HNMT: variants seen among roughly 807,000 people sequenced by gnomAD.
HNMT encodes histamine N-methyltransferase.
HNMT carries 30 observed loss-of-function variants against 32.1 expected under a neutral mutation model. The ratio of observed to expected loss-of-function variants is 0.93; its 90% CI spans 0.70 to 1.27. The LOEUF is 1.27. HNMT is among the 50% of genes most tolerant of loss of function. The pLI is 0.00. For synonymous variants in HNMT, 125 were observed against 119.0 expected (o/e 1.05, Z -0.33); for missense variants, 327 against 346.0 (o/e 0.95, Z 0.43).
intron 5 of HNMT, among the ~76,000 whole-genome samples, chr2:138,007,998 CTTTTA>C (rs1046562187): frequency 2.0e-5 from 3 of 151,896 alleles, no homozygotes; most frequent in Admixed American, 6.6e-5. Flanking sequence ...TCTTTTTTAA[CTTTTA>C]TTTTAAGTTC....
intron 2 of HNMT, among the ~76,000 whole-genome samples, chr2:137,979,376 T>C (rs894939164): frequency 2.0e-4 from 30 of 151,728 alleles, no homozygotes; most frequent in African/African-American, 6.8e-4. Flanking sequence ...GTTCACGCCA[T>C]TCTCCTGCCT....
intron 2 of HNMT, among the ~76,000 whole-genome samples, chr2:137,974,575 TCTC>T (rs1377004514): frequency 6.6e-6 from 1 of 152,156 alleles, no homozygotes; most frequent in Non-Finnish European, 1.5e-5. Context: ...GCCAATGTGT[TCTC>T]CTTGCTCTGG....
intron 4 of HNMT, 45 bp downstream of exon 4, chr2:138,002,239 C>G: frequency 7.8e-7 from 1 of 1,287,992 alleles, no homozygotes; most frequent in Admixed American, 2.6e-5. Flanking sequence ...GAAGACTTTT[C>G]AGAATATATA....
chr2:137,971,338 C>T (rs1469190655), intron 2 of HNMT, among the ~76,000 whole-genome samples: 3 of 152,104 alleles, frequency 2.0e-5, no homozygotes, highest in African/African-American at 7.2e-5. Flanking sequence ...AACCACCGCA[C>T]CTGGCTAATT....
chr2:137,997,367 T>C (rs1681028501), intron 2 of HNMT, among the ~76,000 whole-genome samples: 1 of 151,790 alleles, frequency 6.6e-6, no homozygotes, highest in South Asian at 2.1e-4. Context: ...ACAAAAGATA[T>C]GAACAGACAC....
At chr2:137,992,953 C>G (rs1680868842) in intron 2 of HNMT, among the ~76,000 whole-genome samples, 1 of 151,916 alleles carries the variant, frequency 6.6e-6, no homozygotes, top group South Asian at 2.1e-4. Context: ...AGAAGAGGGA[C>G]CTAACCATTG....
At chr2:137,983,371 T>C (rs1217624865) in intron 2 of HNMT, among the ~76,000 whole-genome samples, 1 of 152,214 alleles carries the variant, frequency 6.6e-6, no homozygotes, top group Non-Finnish European at 1.5e-5. Context: ...ACTTAATGTG[T>C]TTTATGTTTC....
At chr2:138,012,694 TC>T (rs1490930475) in intron 5 of HNMT, among the ~76,000 whole-genome samples, 2 of 152,156 alleles carry the variant, frequency 1.3e-5, no homozygotes, top group Non-Finnish European at 2.9e-5. Context: ...ACAAAACTGC[TC>T]GTCTTCATTC....
At chr2:137,969,698 T>G (rs2104923948) in intron 1 of HNMT, among the ~76,000 whole-genome samples, 1 of 152,306 alleles carries the variant, frequency 6.6e-6, no homozygotes, top group East Asian at 1.9e-4. Context: ...TATCTGTTTT[T>G]TTAATGCCTA....
At chr2:137,996,411 C>T (rs1680996038) in intron 2 of HNMT, among the ~76,000 whole-genome samples, 1 of 152,128 alleles carries the variant, frequency 6.6e-6, no homozygotes, top group Non-Finnish European at 1.5e-5. Context: ...TGAATAAACT[C>T]CAAATCACAG....
intron 2 of HNMT, among the ~76,000 whole-genome samples, chr2:137,992,690 C>T (rs1477279220): frequency 6.6e-6 from 1 of 152,170 alleles, no homozygotes; most frequent in Non-Finnish European, 1.5e-5. Flanking sequence ...AAGTGAGGCA[C>T]TGTGTTAAAC....
chr2:137,968,935 T>A (rs1394314432), intron 1 of HNMT, among the ~76,000 whole-genome samples: 1 of 152,158 alleles, frequency 6.6e-6, no homozygotes, highest in Admixed American at 6.5e-5. Context: ...AGCAGTCATC[T>A]CTTTTCCTTC....
chr2:137,996,333 C>T (rs1301166337), intron 2 of HNMT, among the ~76,000 whole-genome samples: 1 of 152,152 alleles, frequency 6.6e-6, no homozygotes, highest in Non-Finnish European at 1.5e-5. Context: ...TCTTAGGATA[C>T]AAAATCAATG....
intron 2 of HNMT, among the ~76,000 whole-genome samples, chr2:137,970,649 G>A (rs999778496): frequency 1.2e-3 from 190 of 152,148 alleles, no homozygotes; most frequent in Non-Finnish European, 3.1e-4. Flanking sequence ...GGCTGGGCGC[G>A]GTGGCTCACG....
chr2:137,976,158 C>T (rs543703948), intron 2 of HNMT, among the ~76,000 whole-genome samples: 37 of 151,182 alleles, frequency 2.4e-4, no homozygotes, highest in African/African-American at 7.8e-4. Flanking sequence ...CCCAGCTACT[C>T]GGGAGGCTGA....
chr2:138,012,123 A>G (rs187778707), intron 5 of HNMT, among the ~76,000 whole-genome samples: 12 of 152,280 alleles, frequency 7.9e-5, no homozygotes, highest in African/African-American at 2.9e-4. Context: ...ACACTAGCAA[A>G]CTAATTCATG....
At chr2:137,990,381 G>A (rs571215486) in intron 2 of HNMT, among the ~76,000 whole-genome samples, 1 of 152,226 alleles carries the variant, frequency 6.6e-6, no homozygotes, top group African/African-American at 2.4e-5. Context: ...CCTTGTCAAA[G>A]ATCAATTCAC....
At chr2:138,004,394 G>A (rs1419460200) in intron 4 of HNMT, among the ~76,000 whole-genome samples, 2 of 152,000 alleles carry the variant, frequency 1.3e-5, no homozygotes, top group East Asian at 3.9e-4. Flanking sequence ...TTGAATTCTT[G>A]TCCAACAAAG....
At chr2:138,002,940 G>A (rs189255554) in intron 4 of HNMT, among the ~76,000 whole-genome samples, 102 of 151,926 alleles carry the variant, frequency 6.7e-4, no homozygotes, top group African/African-American at 2.4e-3. Context: ...ATCCAGATCC[G>A]ACAAACTGAC....
Sources: gnomAD v4.1 joint callset for allele counts (sites outside exome capture counted in the v4.1 genomes callset) on GRCh38, gnomAD v4.1.1 for gene constraint, MANE v1.5 for transcripts, NCBI Gene and HGNC (gene_info 2026-07-23, HGNC 2026-07-21) for gene names.